RPAIN: variants seen among roughly 807,000 people sequenced by gnomAD.
RPAIN encodes the protein RPA interacting protein, also known as RPA-interacting protein.
In RPAIN, 29 loss-of-function variants were observed where a neutral mutation model predicts 30.5. The ratio of observed to expected loss-of-function variants is 0.95; its 90% CI spans 0.71 to 1.30. The LOEUF is 1.30. Ranked by LOEUF, RPAIN falls within the 50% of genes most tolerant of loss-of-function variation. The pLI, the probability that RPAIN is intolerant of heterozygous loss-of-function variation, is 0.00. For synonymous variants in RPAIN, 101 were observed against 93.5 expected (o/e 1.08, Z -0.46); for missense variants, 247 against 264.7 (o/e 0.93, Z 0.46).
intron 6 of RPAIN, chr17:5,429,740 C>G: frequency 1.0e-6 from 1 of 985,530 alleles, no homozygotes; most frequent in Non-Finnish European, 1.2e-6. Flanking sequence ...TTTCAGGCCT[C>G]TGTGCTGTTG....
intron 3 of RPAIN, among the ~76,000 whole-genome samples, chr17:5,424,370 A>G (rs962210787): frequency 3.9e-5 from 6 of 152,178 alleles, no homozygotes; most frequent in Non-Finnish European, 7.4e-5. Context: ...GACTCAAACC[A>G]TCCTCCTACT....
intron 3 of RPAIN, among the ~76,000 whole-genome samples, chr17:5,424,146 C>T (rs1389675288): frequency 1.3e-5 from 2 of 151,494 alleles, no homozygotes; most frequent in East Asian, 3.9e-4. Flanking sequence ...CACCACCATA[C>T]CGAGCTAATT....
At chr17:5,431,261 A>T (rs1029592760) in intron 6 of RPAIN, 30 of 356,938 alleles carry the variant, frequency 8.4e-5, no homozygotes, top group Admixed American at 7.6e-4. Flanking sequence ...CTGAGGTGGG[A>T]GGATCACTTG....
chr17:5,427,717 G>A (rs1915536005), intron 5 of RPAIN: 1 of 245,888 alleles, frequency 4.1e-6, no homozygotes, highest in African/African-American at 2.2e-5. Flanking sequence ...AGTAACCCAA[G>A]CAGACCCGGG....
intron 6 of RPAIN, chr17:5,429,359 A>G: frequency 1.0e-6 from 1 of 985,486 alleles, no homozygotes; most frequent in African/African-American, 1.7e-5. Context: ...GAAGCAGGAA[A>G]CTGGAGTATA....
At chr17:5,432,040 T>TTTTTAATGATACAGC in intron 6 of RPAIN, 1 of 225,488 alleles carries the variant, frequency 4.4e-6, no homozygotes, top group Non-Finnish European at 8.8e-6. Flanking sequence ...GTGGAGAGGC[T>TTTTTAATGATACAGC]GAGCCACCCA....
intron 6 of RPAIN, chr17:5,431,946 A>T (rs969213615): frequency 1.1e-5 from 3 of 266,852 alleles, no homozygotes; most frequent in African/African-American, 6.8e-5. Context: ...GCTCAAGGTC[A>T]TCGCCAAGGT....
intron 1 of RPAIN, 51 bp downstream of exon 1, chr17:5,420,342 C>T (rs759917926): frequency 1.3e-6 from 2 of 1,513,832 alleles, no homozygotes; most frequent in African/African-American, 1.4e-5. Flanking sequence ...CCGGTGACCG[C>T]CGTCTTCCCT....
Position 5,426,089 on chromosome 17 carries a change from G to A in RPAIN, c.425+7G>A. The A allele has an allele frequency of 3.1e-6, 5 of 1,604,324 alleles. No individual in the cohort carries two copies. Among genetic ancestry groups the A allele is most frequent in the Non-Finnish European group, 3.4e-6 (4 of 1,171,252 alleles). ...TCTGTCCTGTATGTACAAAGTAAGAGTTTTTAAAACCTTTTCAGCATTATT... is the reference window on the plus strand; with the variant it reads ...TCTGTCCTGTATGTACAAAGTAAGAATTTTTAAAACCTTTTCAGCATTATT... On this transcript the variant is annotated splice_region_variant and intron_variant, in intron 4 of 6. Coordinates refer to ENST00000381209, the MANE Select transcript of RPAIN (RefSeq NM_001033002.4).
rs544207763 is a variant in RPAIN, at chr17:5,425,880, G to T, written c.314-91G>T. On this transcript the variant is annotated intron_variant, in intron 3 of 6. Coordinates refer to ENST00000381209, the MANE Select transcript of RPAIN (RefSeq NM_001033002.4). Reference sequence around the variant, plus strand: ...GTGGTCTTGCCCAAATCTTTCCCTCGTGTGAAGGAAGCCTTTGACAGTGAA... The same window carrying T: ...GTGGTCTTGCCCAAATCTTTCCCTCTTGTGAAGGAAGCCTTTGACAGTGAA... 6 of 780,682 alleles carry T rather than the reference G, an allele frequency of 7.7e-6. No homozygotes were observed. In the South Asian group the frequency reaches 9.8e-5, roughly 13 times the overall value. The allele number at this position is 780,682 out of a possible 1,614,324, so 48.4% of individuals were successfully genotyped here.
intron 3 of RPAIN, among the ~76,000 whole-genome samples, chr17:5,424,503 GT>G (rs1915193518): frequency 6.6e-6 from 1 of 152,254 alleles, no homozygotes; most frequent in Admixed American, 6.5e-5. Context: ...TAAATAACGT[GT>G]GTAGAAGACT....
intron 3 of RPAIN, chr17:5,423,055 T>C: frequency 2.3e-6 from 1 of 436,952 alleles, no homozygotes; most frequent in Non-Finnish European, 4.0e-6. Flanking sequence ...ATGATGCTGT[T>C]TTCTCCATGT....
rs921632030 is a variant in RPAIN at position 5,427,976 on chromosome 17, G to A, written c.490-95G>A. 12 of 1,243,256 alleles carry A rather than the reference G, an allele frequency of 9.7e-6. No individual in the cohort carries two copies. In the African/African-American group the frequency reaches 1.5e-4, roughly 15 times the overall value. 77.0% of individuals were successfully genotyped at this position (1,243,256 alleles called of 1,614,324 possible). On this transcript the variant is annotated intron_variant, in intron 5 of 6. Transcript: ENST00000381209. The stretch of plus-strand genomic sequence containing the variant: ...CTCCAAGGAGTCAAGCCATCACAGT[G>A]AGCCACGGTTATATTGGTTGGCATG...
intron 6 of RPAIN, chr17:5,432,324 T>A: frequency 1.9e-6 from 1 of 523,068 alleles, no homozygotes; most frequent in Non-Finnish European, 3.4e-6. Flanking sequence ...CTATTGATGC[T>A]GATGGTTCCC....
chr17:5,431,863 CA>C (rs1915991979), intron 6 of RPAIN: 2 of 336,682 alleles, frequency 5.9e-6, no homozygotes, highest in South Asian at 4.7e-5. Flanking sequence ...TGGTAAGAAA[CA>C]AGAGTAACCC....
chr17:5,426,524 C>A (rs1915409710), intron 5 of RPAIN: 3 of 508,444 alleles, frequency 5.9e-6, no homozygotes, highest in Non-Finnish European at 1.1e-5. Flanking sequence ...AGAGCCATCA[C>A]CGCTTAACGT....
Position 5,432,563 on chromosome 17 carries a change from A to G in RPAIN, c.652A>G (p.Ile218Val), listed in dbSNP as rs368532808. The G allele has an allele frequency of 1.9e-6, 3 of 1,614,052 alleles. No homozygotes were observed. The highest frequency in any genetic ancestry group is 2.5e-6 in the Non-Finnish European group (3 of 1,179,878). ...CTAGGCCTGTGATACTTGGGCTGTG[A>G]TCCTCTAGAGCCAGCTTGGACTCAC... ...SCLACDTWAV[I>V]L Residue 218 changes from isoleucine (I) to valine (V), a missense_variant, in exon 7 of 7, where the codon ATC becomes GTC. Coordinates refer to ENST00000381209, the MANE Select transcript of RPAIN (RefSeq NM_001033002.4).
rs1482731777 is a variant in RPAIN at position 5,432,364 on chromosome 17, AG to A, written c.631-176del. On this transcript the variant is annotated intron_variant, in intron 6 of 6. Coordinates refer to ENST00000381209, the MANE Select transcript of RPAIN (RefSeq NM_001033002.4). ...CAGTTGTTTGAAGGCTGCAGGACAGAGGTCCAGCAATGCCAAAGAGGGGCGG... is the reference window on the plus strand; with the variant it reads ...CAGTTGTTTGAAGGCTGCAGGACAGAGTCCAGCAATGCCAAAGAGGGGCGG... 3 of 610,742 alleles carry A rather than the reference AG, an allele frequency of 4.9e-6. No individual in the cohort carries two copies. The African/African-American group carries it at 5.5e-5, about 11-fold the overall frequency. The allele number at this position is 610,742 out of a possible 1,614,324, so 37.8% of individuals were successfully genotyped here. A position where few individuals can be genotyped will look rare whatever the true frequency, so the allele number is the denominator to read the frequency against.
chr17:5,424,600 C>T (rs1055135258), intron 3 of RPAIN, among the ~76,000 whole-genome samples: 1 of 152,194 alleles, frequency 6.6e-6, no homozygotes, highest in Non-Finnish European at 1.5e-5. Context: ...TTGAGTCATA[C>T]CTCTAACATT....
Sources: allele counts gnomAD v4.1 joint callset (sites outside exome capture counted in the v4.1 genomes callset), GRCh38; gene constraint gnomAD v4.1.1; transcripts MANE v1.5; gene names NCBI Gene and HGNC (gene_info 2026-07-23, HGNC 2026-07-21).